The following NRXN3 variants were observed in gnomAD, a reference collection of about 807,000 sequenced individuals.
NRXN3 encodes the protein neurexin III.
In NRXN3, 32 loss-of-function variants were observed where a neutral mutation model predicts 137.6. That is an observed-to-expected ratio of 0.23 (90% CI 0.18 to 0.31). The LOEUF (loss-of-function observed/expected upper bound fraction) is 0.31, where lower values mean the gene tolerates loss of function less well. Among genes scored for constraint, NRXN3 ranks in the 10% least tolerant of loss-of-function variants. The pLI is 1.00. For missense variants in NRXN3, 1,574 were observed against 2,062.5 expected (o/e 0.76, Z 4.59); for synonymous variants, 798 against 784.5 (o/e 1.02, Z -0.29).
intron 15 of NRXN3, among the ~76,000 whole-genome samples, chr14:79,268,457 TC>T (rs1236188659): frequency 6.6e-6 from 1 of 152,210 alleles, no homozygotes; most frequent in East Asian, 1.9e-4. Context: ...GTTGCCTTTT[TC>T]TTGTTGCTCA....
intron 4 of NRXN3, among the ~76,000 whole-genome samples, chr14:78,594,123 A>G (rs2097140069): frequency 6.6e-6 from 1 of 152,202 alleles, no homozygotes; most frequent in African/African-American, 2.4e-5. Flanking sequence ...GTGGCAAGCG[A>G]AAAATGTGTG....
rs147129596 is a variant in NRXN3 at position 78,246,283 on chromosome 14, G to A, written c.709+2481G>A. The stretch of plus-strand genomic sequence containing the variant: ...TCTCTTCTTTTTCTTTTTATATTTT[G>A]TGTGTGTTCCAGCTCCCAGTGGAAT... On this transcript the variant is annotated intron_variant, in intron 2 of 20. Coordinates refer to ENST00000335750, the MANE Select transcript of NRXN3 (RefSeq NM_001330195.2). Among the ~76,000 whole-genome samples, 1,152 of 152,152 alleles carry A rather than the reference G, an allele frequency of 7.6e-3. 12 individuals are homozygous for A. The highest frequency in any genetic ancestry group is 0.027 in the African/African-American group (1,106 of 41,498).
chr14:78,960,518 C>T (rs1363105237), intron 11 of NRXN3, among the ~76,000 whole-genome samples: 1 of 152,114 alleles, frequency 6.6e-6, no homozygotes, highest in East Asian at 1.9e-4. Flanking sequence ...AGAAATATTC[C>T]TCAACCTTGT....
chr14:79,125,867 A>G (rs948936955), intron 15 of NRXN3, among the ~76,000 whole-genome samples: 1 of 152,148 alleles, frequency 6.6e-6, no homozygotes, highest in African/African-American at 2.4e-5. Context: ...CATGATGTAT[A>G]CTTACTCAGA....
intron 15 of NRXN3, among the ~76,000 whole-genome samples, chr14:79,364,922 AC>A (rs1172601103): frequency 1.3e-5 from 2 of 151,750 alleles, no homozygotes; most frequent in African/African-American, 2.4e-5. Flanking sequence ...AATCCCCAAA[AC>A]CAGCACTCTT....
chr14:78,881,463 A>G (rs2099128917), intron 10 of NRXN3, among the ~76,000 whole-genome samples: 1 of 151,664 alleles, frequency 6.6e-6, no homozygotes, highest in Non-Finnish European at 1.5e-5. Context: ...AGGTGGTCTC[A>G]GATGGAGATG....
At chr14:79,381,976 C>A (rs1246364427) in intron 15 of NRXN3, among the ~76,000 whole-genome samples, 1 of 152,090 alleles carries the variant, frequency 6.6e-6, no homozygotes, top group Non-Finnish European at 1.5e-5. Context: ...TCTGAAGTAG[C>A]CTCTGGTATT....
In NRXN3 at chr14:78,419,067, C is replaced by T. The variant is rs187619727; in HGVS notation, c.757+121207C>T. ...CCTTTACATGAAGAGCCTCAGTTAC[C>T]CCTCAGCACCATCTTTGGGGTGGGT... On this transcript the variant is annotated intron_variant, in intron 4 of 20. Coordinates refer to ENST00000335750, the MANE Select transcript of NRXN3 (RefSeq NM_001330195.2). Among the ~76,000 whole-genome samples the T allele has an allele frequency of 6.6e-5, 10 of 152,222 alleles. No homozygotes were observed. In the East Asian group the frequency reaches 1.9e-3, roughly 29 times the overall value.
At chr14:79,787,664 C>G (rs2140228121) in intron 19 of NRXN3, among the ~76,000 whole-genome samples, 1 of 152,242 alleles carries the variant, frequency 6.6e-6, no homozygotes, top group East Asian at 1.9e-4. Flanking sequence ...CTCTCTGTGC[C>G]TGGCTTATTT....
chr14:79,845,643 G>T (rs2099366043), intron 20 of NRXN3, among the ~76,000 whole-genome samples: 2 of 117,380 alleles, frequency 1.7e-5, no homozygotes, highest in Non-Finnish European at 1.7e-5. Flanking sequence ...ACGGAGACGG[G>T]GAGAGAGACG....
intron 15 of NRXN3, among the ~76,000 whole-genome samples, chr14:79,277,690 C>T (rs2080511670): frequency 6.6e-6 from 1 of 152,104 alleles, no homozygotes; most frequent in African/African-American, 2.4e-5. Flanking sequence ...GTCCATAAAC[C>T]ACCCCTTCCC....
intron 16 of NRXN3, among the ~76,000 whole-genome samples, chr14:79,544,545 A>G (rs1353599617): frequency 1.3e-5 from 2 of 152,206 alleles, no homozygotes; most frequent in Non-Finnish European, 2.9e-5. Context: ...AATAGGTAAA[A>G]CCAATAAGAG....
chr14:79,544,920 T>G (rs1173325223), intron 16 of NRXN3, among the ~76,000 whole-genome samples: 1 of 152,182 alleles, frequency 6.6e-6, no homozygotes, highest in African/African-American at 2.4e-5. Flanking sequence ...ACTGTTATCC[T>G]TGGAAGAGGG....
At chr14:79,411,576 AG>A (rs559208577) in intron 15 of NRXN3, among the ~76,000 whole-genome samples, 17 of 152,262 alleles carry the variant, frequency 1.1e-4, no homozygotes, top group East Asian at 1.9e-4. Flanking sequence ...TGCCCTTTAT[AG>A]TACACAAAGA....
intron 6 of NRXN3, among the ~76,000 whole-genome samples, chr14:78,700,720 G>C (rs1486152611): frequency 6.6e-6 from 1 of 152,158 alleles, no homozygotes; most frequent in Non-Finnish European, 1.5e-5. Flanking sequence ...GACTGTGATA[G>C]ACTGAGCCTT....
chr14:78,829,933 AACAATGTTTC>A (rs1296538508), intron 10 of NRXN3, among the ~76,000 whole-genome samples: 3 of 152,158 alleles, frequency 2.0e-5, no homozygotes, highest in African/African-American at 7.2e-5. Flanking sequence ...GGTATTTGAT[AACAATGTTTC>A]ACATGAATGC....
intron 20 of NRXN3, among the ~76,000 whole-genome samples, chr14:79,848,854 C>T (rs2099386044): frequency 6.6e-6 from 1 of 152,114 alleles, no homozygotes. Flanking sequence ...TTCAGAATTC[C>T]AGTTTCTCAA....
At chr14:79,798,323 A>G (rs572917147) in intron 19 of NRXN3, among the ~76,000 whole-genome samples, 43 of 152,254 alleles carry the variant, frequency 2.8e-4, no homozygotes, top group Non-Finnish European at 5.0e-4. Flanking sequence ...GAGAATGAAC[A>G]TTCATAATGA....
In NRXN3 at chr14:79,864,986, C is replaced by G. The variant is rs113046631; in HGVS notation, c.*3022C>G. ...CGGGATGGTCTCGATCTCCTGACCT[C>G]GTAATCCACCCGCCTCGGCCTCCCA... On this transcript the variant is annotated 3_prime_UTR_variant, in exon 21 of 21. Coordinates refer to ENST00000335750, the MANE Select transcript of NRXN3 (RefSeq NM_001330195.2). The G allele has an allele frequency of 1.3e-5, 2 of 152,136 alleles. No individual in the cohort carries two copies. The highest frequency in any genetic ancestry group is 2.1e-4 in the South Asian group (1 of 4,834). The allele number at this position is 152,136 out of a possible 1,614,324, so 9.4% of individuals were successfully genotyped here. A position where few individuals can be genotyped will look rare whatever the true frequency, so the allele number is the denominator to read the frequency against.
Sources: gnomAD v4.1 joint callset for allele counts (sites outside exome capture counted in the v4.1 genomes callset) on GRCh38, gnomAD v4.1.1 for gene constraint, MANE v1.5 for transcripts, NCBI Gene and HGNC (gene_info 2026-07-23, HGNC 2026-07-21) for gene names.